The following RALGAPA1 variants were observed in gnomAD, a reference collection of about 807,000 sequenced individuals.
The protein encoded by RALGAPA1 is Ral GTPase activating protein catalytic subunit alpha 1.
Under a neutral mutation model 269.6 loss-of-function variants are expected in RALGAPA1, and 52 were observed. The observed-to-expected ratio is 0.19, with a 90% CI of 0.15 to 0.24. RALGAPA1 has a LOEUF of 0.24. RALGAPA1 is among the 10% of genes least tolerant of loss of function. The pLI, the probability that RALGAPA1 is intolerant of heterozygous loss-of-function variation, is 1.00. For synonymous variants in RALGAPA1, 817 were observed against 1,008.3 expected (o/e 0.81, Z 3.60); for missense variants, 1,917 against 3,013.9 (o/e 0.64, Z 8.52).
At chr14:35,709,139 A>C (rs951500423) in intron 16 of RALGAPA1, among the ~76,000 whole-genome samples, 1 of 152,164 alleles carries the variant, frequency 6.6e-6, no homozygotes, top group African/African-American at 2.4e-5. Context: ...AATTAGAATG[A>C]ATAAGACCTA....
At chr14:35,756,647 C>T (rs1463855873) in intron 7 of RALGAPA1, 146 bp downstream of exon 7, 2 of 471,442 alleles carry the variant, frequency 4.2e-6, no homozygotes, top group Non-Finnish European at 3.7e-6. Flanking sequence ...TAATTAAAAG[C>T]AAGCCATTGA....
intron 37 of RALGAPA1, among the ~76,000 whole-genome samples, chr14:35,575,052 T>G (rs1290418838): frequency 1.3e-5 from 2 of 150,838 alleles, no homozygotes; most frequent in Non-Finnish European, 2.9e-5. Context: ...TCCTTGAACC[T>G]GGGAGGCAGA....
chr14:35,709,297 T>C (rs1276457786), intron 16 of RALGAPA1, among the ~76,000 whole-genome samples: 2 of 152,190 alleles, frequency 1.3e-5, no homozygotes, highest in Admixed American at 1.3e-4. Flanking sequence ...ATGTGATTAA[T>C]ACGCATTGTA....
intron 26 of RALGAPA1, among the ~76,000 whole-genome samples, chr14:35,668,187 T>C (rs1023225596): frequency 6.6e-6 from 1 of 152,102 alleles, no homozygotes; most frequent in African/African-American, 2.4e-5. Flanking sequence ...AATACAAATG[T>C]ATTTAAAATG....
intron 7 of RALGAPA1, 127 bp from the exon 8 acceptor site, chr14:35,752,289 T>G (rs1437953417): frequency 9.3e-7 from 1 of 1,070,146 alleles, no homozygotes; most frequent in Admixed American, 3.8e-5. Context: ...AAGATCATGA[T>G]ACATAGCATA....
rs888050916 is a variant in RALGAPA1 at position 35,689,971 on chromosome 14, T to C, written c.2440A>G (p.Thr814Ala). The change falls in exon 18 of 42, where the codon ACT becomes GCT. Residue 814 changes from threonine to alanine, a missense_variant. Coordinates refer to ENST00000680220, the MANE Select transcript of RALGAPA1 (RefSeq NM_001346249.2). ...IDDAQILPRS[T>A]RVRHFSQSEE... ...CTTTGTGAAAAATGTCTGACTCTAG[T>C]TGAGCGGGGAAGTATTTGAGCATCA... 4 of 1,598,206 alleles carry C rather than the reference T, an allele frequency of 2.5e-6. No homozygotes were observed. Among genetic ancestry groups the C allele is most frequent in the South Asian group, 2.3e-5 (2 of 88,458 alleles).
chr14:35,685,183 C>G, intron 19 of RALGAPA1, 38 bp from the exon 20 acceptor site: 1 of 1,508,966 alleles, frequency 6.6e-7, no homozygotes, highest in Non-Finnish European at 9.0e-7. Context: ...TAAGAAAAAG[C>G]TTTTATTCTC....
chr14:35,627,553 T>C lies in RALGAPA1; in HGVS notation c.6394A>G (p.Thr2132Ala). The C allele has an allele frequency of 6.3e-7, 1 of 1,581,978 alleles. No homozygotes were observed. Among genetic ancestry groups the C allele is most frequent in the Non-Finnish European group, 8.6e-7 (1 of 1,166,666 alleles). ...PPPVSGLSEPTSFMLSLSHQE... is the reference protein window; with the variant it reads ...PPPVSGLSEPASFMLSLSHQE... ...TGAGACAATGAAAGCATGAAAGATGTAGGTTCTGACAAGCCACTTACAGGA... is the reference window on the plus strand; with the variant it reads ...TGAGACAATGAAAGCATGAAAGATGCAGGTTCTGACAAGCCACTTACAGGA... Residue 2132 changes from threonine to alanine, a missense_variant, in exon 34 of 42, where the codon ACA becomes GCA. Physicochemically the swap from Thr to Ala is moderately conservative, Grantham distance 58 (BLOSUM62 0). This residue lies in a region of RALGAPA1 where 346 missense variants were observed against 566.1 expected (regional missense o/e 0.61). Transcript: ENST00000680220.
chr14:35,755,818 T>C (rs900070731), intron 7 of RALGAPA1, among the ~76,000 whole-genome samples: 3 of 152,204 alleles, frequency 2.0e-5, no homozygotes, highest in African/African-American at 7.2e-5. Flanking sequence ...CAATCTAGTT[T>C]AGGGTCCAAA....
At chr14:35,629,308 TG>T (rs2061189782) in intron 33 of RALGAPA1, among the ~76,000 whole-genome samples, 1 of 151,792 alleles carries the variant, frequency 6.6e-6, no homozygotes, top group Non-Finnish European at 1.5e-5. Context: ...TGTGTGTGTG[TG>T]TGTTTAAAAC....
chr14:35,783,392 C>A lies in RALGAPA1; in HGVS notation c.107-7647G>T, dbSNP rs763947400. Among the ~76,000 whole-genome samples the A allele has an allele frequency of 1.3e-5, 2 of 151,976 alleles. 1 individual carries two copies. The highest frequency in any genetic ancestry group is 4.2e-4 in the South Asian group (2 of 4,802). On this transcript the variant is annotated intron_variant, in intron 1 of 41. Coordinates refer to ENST00000680220, the MANE Select transcript of RALGAPA1 (RefSeq NM_001346249.2). ...GTACCCTTCAAAAGTCTTTTCAACACACAGTTGAAAAGAATGAAGACTATA... is the reference window on the plus strand; with the variant it reads ...GTACCCTTCAAAAGTCTTTTCAACAAACAGTTGAAAAGAATGAAGACTATA...
chr14:35,588,106 C>A (rs568960468), intron 37 of RALGAPA1, among the ~76,000 whole-genome samples: 1 of 152,238 alleles, frequency 6.6e-6, no homozygotes, highest in Admixed American at 6.5e-5. Context: ...GGGGTTTCAC[C>A]ATGTTGGCCA....
At position 35,628,253 on chromosome 14, in the gene RALGAPA1, A is replaced by G. The variant is rs573780977; in HGVS notation, c.5996-302T>C. Among the ~76,000 whole-genome samples, 3 of 152,322 alleles carry G rather than the reference A, an allele frequency of 2.0e-5. No individual in the cohort carries two copies. The South Asian group carries it at 6.2e-4, about 32-fold the overall frequency. On this transcript the variant is annotated intron_variant, in intron 33 of 41. Transcript: ENST00000680220. ...ATCAATCATGAAATCACTAATGCACATTAAAAAGCCAAAGACGGCCAGGTG... is the reference window on the plus strand; with the variant it reads ...ATCAATCATGAAATCACTAATGCACGTTAAAAAGCCAAAGACGGCCAGGTG...
intron 8 of RALGAPA1, 117 bp from the exon 9 acceptor site, chr14:35,750,807 G>C (rs913186922): frequency 2.3e-6 from 2 of 864,016 alleles, no homozygotes; most frequent in African/African-American, 3.4e-5. Flanking sequence ...TTCAGAAGTA[G>C]CTTTAGCACA....
Position 35,721,669 on chromosome 14 carries a change from G to A in RALGAPA1, c.2266+19C>T. The A allele has an allele frequency of 1.2e-6, 2 of 1,606,944 alleles. No homozygotes were observed. The highest frequency in any genetic ancestry group is 8.5e-7 in the Non-Finnish European group (1 of 1,176,360). ...ATGTAGTGCCCTGTACCATTCTCAT[G>A]ATTTTCAAGAGTACATACCGACAGT... On this transcript the variant is annotated intron_variant, in intron 16 of 41. Coordinates refer to ENST00000680220, the MANE Select transcript of RALGAPA1 (RefSeq NM_001346249.2).
intron 4 of RALGAPA1, among the ~76,000 whole-genome samples, chr14:35,765,078 C>T (rs997797524): frequency 2.6e-5 from 4 of 152,062 alleles, no homozygotes; most frequent in East Asian, 1.9e-4. Context: ...AGTACTATTT[C>T]GGGATTTATG....
At chr14:35,719,711 ATAAAATAAAAATT>A (rs2069192773) in intron 16 of RALGAPA1, among the ~76,000 whole-genome samples, 2 of 152,198 alleles carry the variant, frequency 1.3e-5, no homozygotes, top group South Asian at 4.1e-4. Flanking sequence ...TTTGATTTAA[ATAAAATAAAAATT>A]TAGACTTAAA....
intron 16 of RALGAPA1, among the ~76,000 whole-genome samples, chr14:35,716,671 T>C (rs2068858385): frequency 6.6e-6 from 1 of 151,898 alleles, no homozygotes; most frequent in African/African-American, 2.4e-5. Context: ...TCCATGGGAG[T>C]TCATATATTG....
At chr14:35,804,768 A>C (rs1232041796) in intron 1 of RALGAPA1, among the ~76,000 whole-genome samples, 1 of 149,140 alleles carries the variant, frequency 6.7e-6, no homozygotes, top group African/African-American at 2.5e-5. Context: ...CCATCTCTAC[A>C]AAAAAAAATT....
Sources: gnomAD v4.1 joint callset for allele counts (sites outside exome capture counted in the v4.1 genomes callset) on GRCh38, gnomAD v4.1.1 for gene constraint, gnomAD v4.1.1 regional missense constraint, MANE v1.5 for transcripts, NCBI Gene and HGNC (gene_info 2026-07-23, HGNC 2026-07-21) for gene names.